Variants in TMEM161A observed in about 807,000 individuals in gnomAD.
TMEM161A encodes adaptive response to oxidative stress protein 29.
In TMEM161A, 46 loss-of-function variants were observed where a neutral mutation model predicts 57.1. The observed-to-expected ratio is 0.81, with a 90% CI of 0.64 to 1.03. The LOEUF is 1.03. Ranked by LOEUF, TMEM161A falls within the 50% of genes least tolerant of loss-of-function variation. The probability of loss-of-function intolerance (pLI) is 0.00; values close to 1 mark genes in which losing one functional copy is unlikely to be tolerated. For missense variants in TMEM161A, 601 were observed against 621.5 expected, an observed-to-expected ratio of 0.97 and a Z score of 0.35; for synonymous variants, 288 against 279.0, an observed-to-expected ratio of 1.03 and a Z score of -0.32.
At position 19,121,545 on chromosome 19, in the gene TMEM161A, C is replaced by T. The variant is rs143150861; in HGVS notation, c.780G>A (p.Ser260=). 155 of 1,614,030 alleles carry T rather than the reference C, an allele frequency of 9.6e-5. No homozygotes were observed. The highest frequency in any genetic ancestry group is 1.6e-4 in the East Asian group (7 of 44,888). ...AQTHRDALTM[S]EDRPMLQFLL... ...TTAACTGCAGCATGGGTCTGTCCTC[C>T]GACATGGTCAGTGCGTCCCGGTGGG... The change falls in exon 8 of 12, where the codon TCG becomes TCA. Residue 260 remains serine (S), a synonymous_variant. Transcript: ENST00000162044. The surrounding 1 kb of genome is among the most constrained non-coding windows in gnomAD (Gnocchi z 5.8).
In TMEM161A at chr19:19,132,375, G is replaced by A; in HGVS notation, c.420C>T (p.Cys140=). 1.2e-6 allele frequency: 2 copies of A among 1,613,778 alleles called. No individual in the cohort carries two copies. The highest frequency in any genetic ancestry group is 1.7e-6 in the Non-Finnish European group (2 of 1,179,798). The change falls in exon 5 of 12, where the codon TGC becomes TGT. Residue 140 remains cysteine, a synonymous_variant. Coordinates refer to ENST00000162044, the MANE Select transcript of TMEM161A (RefSeq NM_017814.3). This position sits in a 1 kb window ranked among gnomAD's most constrained non-coding sequence, Gnocchi z 4.3. ...AKETNIAVFW[C]LLTVTFSIKM... Reference sequence around the variant, plus strand: ...ACATGGAGAAGGTCACCGTGAGCAGGCACCAGAACACAGCAATGTTAGTCT... The same window carrying A: ...ACATGGAGAAGGTCACCGTGAGCAGACACCAGAACACAGCAATGTTAGTCT...
At chr19:19,130,871 CCT>C (rs1263435365) in intron 5 of TMEM161A, among the ~76,000 whole-genome samples, 1 of 151,930 alleles carries the variant, frequency 6.6e-6, no homozygotes, top group Non-Finnish European at 1.5e-5. Flanking sequence ...TGCAGTGAGC[CCT>C]GATTGCACCA....
At chr19:19,128,228 C>CTTTTT (rs531458159) in intron 6 of TMEM161A, among the ~76,000 whole-genome samples, 3 of 120,752 alleles carry the variant, frequency 2.5e-5, no homozygotes, top group Non-Finnish European at 5.2e-5. Context: ...TCTAAATAGA[C>CTTTTT]TTTTTTTTTT....
intron 1 of TMEM161A, among the ~76,000 whole-genome samples, chr19:19,135,574 T>C (rs1455020443): frequency 6.6e-6 from 1 of 152,100 alleles, no homozygotes; most frequent in African/African-American, 2.4e-5. Context: ...ATTTATTTTT[T>C]TGGCAAGGGA....
In TMEM161A at chr19:19,133,198, G is replaced by C; in HGVS notation, c.120C>G (p.Tyr40Ter). The C allele has an allele frequency of 6.2e-7, 1 of 1,614,198 alleles. No homozygotes were observed. The highest frequency in any genetic ancestry group is 8.5e-7 in the Non-Finnish European group (1 of 1,180,016). ...GAAGCTCCTCCTCAGACGGGTGCTT[G>C]TATCGGAACAAACTGAGAGCAAGGA... is the stretch of plus-strand genomic sequence containing the variant. ...WLLCNGSLFRYKHPSEEELRA... is the reference protein window; with the variant it reads ...WLLCNGSLFR Residue 40 changes from tyrosine to a stop codon, truncating the protein, a stop_gained, in exon 3 of 12, where the codon TAC (tyrosine) becomes TAG (stop). Transcript: ENST00000162044. LOFTEE classifies it high-confidence loss of function.
At position 19,121,198 on chromosome 19, in the gene TMEM161A, A is replaced by C. The variant is rs201216279; in HGVS notation, c.915-32T>G. Reference sequence around the variant, plus strand: ...GGAGAGGGCCGGGGGCAAGGGACTAAGAAGGTCGCCCCCGACCCCCCAGGA... The same window carrying C: ...GGAGAGGGCCGGGGGCAAGGGACTACGAAGGTCGCCCCCGACCCCCCAGGA... On this transcript the variant is annotated intron_variant, in intron 9 of 11. Transcript: ENST00000162044. This position sits in a 1 kb window ranked among gnomAD's most constrained non-coding sequence, Gnocchi z 5.8. 3 of 1,572,878 alleles carry C rather than the reference A, an allele frequency of 1.9e-6. No individual in the cohort carries two copies. In the African/African-American group the frequency reaches 4.0e-5, roughly 21 times the overall value.
intron 6 of TMEM161A, among the ~76,000 whole-genome samples, chr19:19,128,643 A>T (rs551403243): frequency 6.6e-6 from 1 of 151,076 alleles, no homozygotes; most frequent in Non-Finnish European, 1.5e-5. Flanking sequence ...GGTTCAAGCA[A>T]TTCTCCTGCC....
intron 11 of TMEM161A, 71 bp downstream of exon 11, chr19:19,120,694 C>T (rs1341469722): frequency 6.7e-7 from 1 of 1,485,862 alleles, no homozygotes; most frequent in Non-Finnish European, 9.3e-7. Context: ...CGGTCCCCGC[C>T]AGAGTCCACC....
Position 19,133,136 on chromosome 19 carries a change from T to C in TMEM161A, c.182A>G (p.Lys61Arg). 1 of 1,614,054 alleles carries C rather than the reference T, an allele frequency of 6.2e-7. No individual in the cohort carries two copies. Among genetic ancestry groups the C allele is most frequent in the Non-Finnish European group, 8.5e-7 (1 of 1,179,954 alleles). Residue 61 changes from lysine to arginine, a missense_variant, in exon 3 of 12, where the codon AAA becomes AGA. Coordinates refer to ENST00000162044, the MANE Select transcript of TMEM161A (RefSeq NM_017814.3). Reference sequence around the variant, plus strand: ...TGGGGCCCAGGTCACTCACCGCTCTTTCCTGCCTCTGGGCCTCGGCTTCCC... The same window carrying C: ...TGGGGCCCAGGTCACTCACCGCTCTCTCCTGCCTCTGGGCCTCGGCTTCCC... ...LAGKPRPRGRKERWANGLSEE... is the reference protein window; with the variant it reads ...LAGKPRPRGRRERWANGLSEE...
intron 5 of TMEM161A, chr19:19,130,651 TG>T (rs775305651): frequency 2.2e-4 from 63 of 288,736 alleles, no homozygotes; most frequent in Admixed American, 6.5e-4. Flanking sequence ...AAATGCAGCA[TG>T]GGGGCCAGAC....
At position 19,121,350 on chromosome 19, in the gene TMEM161A, T is replaced by C. The variant is rs768691136; in HGVS notation, c.872A>G (p.Asp291Gly). Residue 291 changes from aspartate to glycine, a missense_variant, in exon 9 of 12, where the codon GAC (aspartate) becomes GGC (glycine). Physicochemically the swap from Asp to Gly is moderately conservative, Grantham distance 94. Transcript: ENST00000162044. The surrounding 1 kb of genome is among the most constrained non-coding windows in gnomAD (Gnocchi z 5.8). ...LWLWTKPIARDFLHQPPFGET... is the reference protein window; with the variant it reads ...LWLWTKPIARGFLHQPPFGET... ...CCCAAACGGCGGCTGGTGCAGGAAG[T>C]CCCGTGCAATGGGCTTTGTCCAGAG... 1 of 1,594,004 alleles carries C rather than the reference T, an allele frequency of 6.3e-7. No homozygotes were observed. The highest frequency in any genetic ancestry group is 8.5e-7 in the Non-Finnish European group (1 of 1,170,998).
chr19:19,121,564 C>A lies in TMEM161A; in HGVS notation c.761G>T (p.Arg254Leu), dbSNP rs761597340. The change falls in exon 8 of 12, where the codon CGG becomes CTG. Residue 254 changes from arginine to leucine, a missense_variant. Arg to Leu is a moderately radical substitution (Grantham distance 102). Coordinates refer to ENST00000162044, the MANE Select transcript of TMEM161A (RefSeq NM_017814.3). The surrounding 1 kb of genome is among the most constrained non-coding windows in gnomAD (Gnocchi z 5.8). ...GTCCTCCGACATGGTCAGTGCGTCC[C>A]GGTGGGTCTGGGCCAGCCGCAGGCC... is the stretch of plus-strand genomic sequence containing the variant. ...FPGLRLAQTH[R>L]DALTMSEDRP... 2 of 1,613,896 alleles carry A rather than the reference C, an allele frequency of 1.2e-6. No homozygotes were observed. The highest frequency in any genetic ancestry group is 1.7e-6 in the Non-Finnish European group (2 of 1,179,952).
Position 19,132,795 on chromosome 19 carries a change from A to G in TMEM161A, c.189-41T>C. 4 of 1,476,250 alleles carry G rather than the reference A, an allele frequency of 2.7e-6. No individual in the cohort carries two copies. Among genetic ancestry groups the G allele is most frequent in the Non-Finnish European group, 3.6e-6 (4 of 1,098,066 alleles). 91.4% of individuals were successfully genotyped at this position (1,476,250 alleles called of 1,614,324 possible). A position where few individuals can be genotyped will look rare whatever the true frequency, so the allele number is the denominator to read the frequency against. On this transcript the variant is annotated intron_variant, in intron 3 of 11. Coordinates refer to ENST00000162044, the MANE Select transcript of TMEM161A (RefSeq NM_017814.3). The surrounding 1 kb of genome is among the most constrained non-coding windows in gnomAD (Gnocchi z 4.3). ...CAAGCAAGAGGGACGGTGAGCACGC[A>G]TTCCACTGAGGCCAGCCACCCTCAG... is the stretch of plus-strand genomic sequence containing the variant.
In TMEM161A at chr19:19,130,257, C is replaced by T; in HGVS notation, c.494G>A (p.Gly165Asp). ...AAAGGTGAGGCAGACAGAGCGCTCA[C>T]CCCCCTCCTCGGCGCTGAAGTACAG... The part of the protein sequence containing the change: ...TRLYFSAEEG[G>D]ERSVCLTFAF... The change falls in exon 6 of 12, where the codon GGT becomes GAT. Residue 165 changes from glycine (G) to aspartate (D), a missense_variant. Physicochemically the swap from Gly to Asp is moderately conservative, Grantham distance 94. Coordinates refer to ENST00000162044, the MANE Select transcript of TMEM161A (RefSeq NM_017814.3). 1 of 1,613,800 alleles carries T rather than the reference C, an allele frequency of 6.2e-7. No individual in the cohort carries two copies. The highest frequency in any genetic ancestry group is 8.5e-7 in the Non-Finnish European group (1 of 1,180,020).
Position 19,122,249 on chromosome 19 carries a change from G to A in TMEM161A, c.596-430C>T, listed in dbSNP as rs1239765983. Among the ~76,000 whole-genome samples the A allele has an allele frequency of 2.6e-5, 4 of 152,014 alleles. No individual in the cohort carries two copies. In the South Asian group the frequency reaches 6.2e-4, roughly 24 times the overall value. ...GCGGAGGTTGCAGTGAGCTGAGACC[G>A]CACCATTGCACTCCAGCCTTGGGGA... On this transcript the variant is annotated intron_variant, in intron 6 of 11. Transcript: ENST00000162044.
chr19:19,130,415 A>G, intron 5 of TMEM161A, 108 bp from the exon 6 acceptor site: 1 of 1,419,446 alleles, frequency 7.0e-7, no homozygotes, highest in Non-Finnish European at 9.7e-7. Context: ...CTGCTGCACA[A>G]ATAGGCCTTG....
At chr19:19,123,043 T>C (rs569145673) in intron 6 of TMEM161A, among the ~76,000 whole-genome samples, 3 of 152,174 alleles carry the variant, frequency 2.0e-5, no homozygotes, top group Non-Finnish European at 4.4e-5. Flanking sequence ...ACTGTAAGTA[T>C]TGAAATAATA....
In TMEM161A at chr19:19,120,028, G is replaced by C; in HGVS notation, c.1342C>G (p.Arg448Gly). The C allele has an allele frequency of 6.2e-7, 1 of 1,600,082 alleles. No homozygotes were observed. Among genetic ancestry groups the C allele is most frequent in the Non-Finnish European group, 8.5e-7 (1 of 1,174,110 alleles). ...CAGATGAGGTAGGCCAGGACGCCACGGAGGAAGAGGGGAGTAAGCAGGCCA... is the reference window on the plus strand; with the variant it reads ...CAGATGAGGTAGGCCAGGACGCCACCGAGGAAGAGGGGAGTAAGCAGGCCA... ...LGGLLTPLFLRGVLAYLIWWT... is the reference protein window; with the variant it reads ...LGGLLTPLFLGGVLAYLIWWT... Residue 448 changes from arginine (R) to glycine (G), a missense_variant, in exon 12 of 12, where the codon CGT (arginine) becomes GGT (glycine). Coordinates refer to ENST00000162044, the MANE Select transcript of TMEM161A (RefSeq NM_017814.3).
Position 19,134,798 on chromosome 19 carries a change from C to G in TMEM161A, c.93G>C (p.Leu31=). The G allele has an allele frequency of 6.3e-7, 1 of 1,579,662 alleles. No individual in the cohort carries two copies. The highest frequency in any genetic ancestry group is 8.6e-7 in the Non-Finnish European group (1 of 1,164,866). The part of the protein sequence containing the change: ...LAPHCSFARW[L]LCNGSLFRYK... ...GCGGGGCTCACCTGCCGTTACAGAG[C>G]AGCCAGCGCGCGAAGGAGCAGTGTG... The change falls in exon 2 of 12, where the codon CTG becomes CTC. Residue 31 remains leucine (L), a synonymous_variant. Coordinates refer to ENST00000162044, the MANE Select transcript of TMEM161A (RefSeq NM_017814.3).
Sources: gnomAD v4.1 joint callset for allele counts (sites outside exome capture counted in the v4.1 genomes callset) on GRCh38, gnomAD v4.1.1 for gene constraint, Gnocchi (gnomAD v3.1) non-coding constraint, MANE v1.5 for transcripts, NCBI Gene and HGNC (gene_info 2026-07-23, HGNC 2026-07-21) for gene names.